Variants in PDE1A observed in about 807,000 individuals in gnomAD.
PDE1A encodes the protein phosphodiesterase 1A, also known as dual specificity calcium/calmodulin-dependent 3',5'-cyclic nucleotide phosphodiesterase 1A.
A neutral mutation model predicts 61.7 loss-of-function variants in PDE1A; 35 were observed. That is an observed-to-expected ratio of 0.57 (90% CI 0.43 to 0.75). The LOEUF is 0.75. Among genes scored for constraint, PDE1A ranks in the 30% least tolerant of loss-of-function variants. The pLI is 0.00. For synonymous variants in PDE1A, 232 were observed against 213.2 expected (o/e 1.09, Z -0.77); for missense variants, 597 against 630.6 (o/e 0.95, Z 0.57).
At chr2:182,505,077 G>A (rs1395421755) in intron 2 of PDE1A, among the ~76,000 whole-genome samples, 1 of 152,146 alleles carries the variant, frequency 6.6e-6, no homozygotes, top group Non-Finnish European at 1.5e-5. Flanking sequence ...GGAAACTTCA[G>A]CAGGCAATTT....
At chr2:182,467,373 G>A (rs1686744038) in intron 2 of PDE1A, among the ~76,000 whole-genome samples, 2 of 151,858 alleles carry the variant, frequency 1.3e-5, no homozygotes, top group South Asian at 4.1e-4. Flanking sequence ...TAAAAATTGA[G>A]TAGTTTTATA....
At chr2:182,230,667 G>A (rs2125642094) in intron 5 of PDE1A, among the ~76,000 whole-genome samples, 1 of 152,218 alleles carries the variant, frequency 6.6e-6, no homozygotes, top group Admixed American at 6.5e-5. Flanking sequence ...TTTAAGAAAA[G>A]CTGGCAATAA....
chr2:182,390,356 A>G (rs1461000634), intron 1 of PDE1A, among the ~76,000 whole-genome samples: 2 of 152,182 alleles, frequency 1.3e-5, no homozygotes, highest in Non-Finnish European at 2.9e-5. Flanking sequence ...CTGTTTAGAG[A>G]GTTATACAAA....
chr2:182,585,944 GA>G, the PDE1A span, among the ~76,000 whole-genome samples: 5 of 151,918 alleles, frequency 3.3e-5, no homozygotes, highest in Non-Finnish European at 5.9e-5. Flanking sequence ...TATACATGTA[GA>G]AAAAAATGGT....
intron 2 of PDE1A, among the ~76,000 whole-genome samples, chr2:182,462,153 T>C (rs2125769066): frequency 6.7e-6 from 1 of 150,200 alleles, no homozygotes; most frequent in East Asian, 2.0e-4. Flanking sequence ...CGGGGCCTGT[T>C]GTGGGGTGGG....
chr2:182,223,863 C>A lies in PDE1A; in HGVS notation c.776+1G>T, dbSNP rs1299793530. 2.6e-6 allele frequency: 4 copies of A among 1,545,726 alleles called. No homozygotes were observed. The highest frequency in any genetic ancestry group is 3.5e-6 in the Non-Finnish European group (4 of 1,136,636). On this transcript the variant is annotated splice_donor_variant, in intron 7 of 13. Coordinates refer to ENST00000351439, the Ensembl canonical transcript of PDE1A. LOFTEE classifies it high-confidence loss of function. ...GAAAGTTAATACTTTTTCAGACTTACCTTGTCTGAATGTGAAAGTTGTTTG... is the reference window on the plus strand; with the variant it reads ...GAAAGTTAATACTTTTTCAGACTTAACTTGTCTGAATGTGAAAGTTGTTTG...
chr2:182,393,180 G>T (rs1370347618), intron 1 of PDE1A, among the ~76,000 whole-genome samples: 2 of 152,204 alleles, frequency 1.3e-5, no homozygotes, highest in Non-Finnish European at 2.9e-5. Flanking sequence ...TGAAATCTAG[G>T]CAGAGGTTCC....
exon 14 of PDE1A, chr2:182,168,092 T>C: frequency 7.4e-7 from 1 of 1,351,450 alleles, no homozygotes; most frequent in Non-Finnish European, 9.5e-7. Context: ...ACAGCTGTTA[T>C]TTATGTGGCT....
chr2:182,664,479 A>T, the PDE1A span, among the ~76,000 whole-genome samples: 2 of 152,202 alleles, frequency 1.3e-5, no homozygotes, highest in Non-Finnish European at 2.9e-5. Context: ...GCAGAAGGAT[A>T]ACTAAAGTAC....
the PDE1A span, among the ~76,000 whole-genome samples, chr2:182,554,664 A>G: frequency 1.3e-5 from 2 of 152,162 alleles, no homozygotes; most frequent in Non-Finnish European, 2.9e-5. Context: ...TAACTCATAG[A>G]GTTATACGAA....
chr2:182,527,324 A>T (rs1690789470), upstream of PDE1A, among the ~76,000 whole-genome samples: 1 of 37,170 alleles, frequency 2.7e-5, no homozygotes, highest in African/African-American at 1.1e-4. Context: ...AAAAAAAAAA[A>T]AAAATATATA....
chr2:182,326,447 T>C (rs865578), intron 1 of PDE1A, among the ~76,000 whole-genome samples: 41,412 of 152,104 alleles, frequency 0.27, 5,771 homozygotes, highest in Middle Eastern at 0.37. Context: ...TATTATGCTA[T>C]GTAAAATAAG....
intron 2 of PDE1A, among the ~76,000 whole-genome samples, chr2:182,465,504 A>AT (rs957506379): frequency 2.6e-5 from 4 of 152,058 alleles, no homozygotes; most frequent in African/African-American, 9.7e-5. Flanking sequence ...GGAATTAAAA[A>AT]TTTTTTTAAG....
chr2:182,589,500 G>A, the PDE1A span, among the ~76,000 whole-genome samples: 2 of 152,022 alleles, frequency 1.3e-5, no homozygotes, highest in African/African-American at 2.4e-5. Context: ...GAAAAAGCAG[G>A]GGTATTCTGT....
At chr2:182,204,227 A>C (rs1470085759) in intron 8 of PDE1A, among the ~76,000 whole-genome samples, 1 of 152,238 alleles carries the variant, frequency 6.6e-6, no homozygotes, top group Non-Finnish European at 1.5e-5. Context: ...AATCTCTCTT[A>C]GGCTTTAGGA....
At chr2:182,481,493 C>T (rs1241024330) in intron 2 of PDE1A, among the ~76,000 whole-genome samples, 1 of 151,816 alleles carries the variant, frequency 6.6e-6, no homozygotes, top group Non-Finnish European at 1.5e-5. Context: ...ATATTTCATT[C>T]TAACTACAGA....
chr2:182,283,696 C>T (rs1693973150), intron 1 of PDE1A, among the ~76,000 whole-genome samples: 1 of 151,896 alleles, frequency 6.6e-6, no homozygotes, highest in African/African-American at 2.4e-5. Flanking sequence ...ATGAATCATG[C>T]TTAGGAACTG....
At chr2:182,191,787 G>A (rs1444908182) in intron 10 of PDE1A, among the ~76,000 whole-genome samples, 1 of 150,256 alleles carries the variant, frequency 6.7e-6, no homozygotes, top group Non-Finnish European at 1.5e-5. Flanking sequence ...TGTGGTACAA[G>A]CTCTTTGGCC....
chr2:182,699,393 C>T, the PDE1A span, among the ~76,000 whole-genome samples: 16 of 152,150 alleles, frequency 1.1e-4, no homozygotes, highest in South Asian at 2.1e-4. Flanking sequence ...TTTTTGGTTT[C>T]GGAAAATTGA....
Sources: allele counts gnomAD v4.1 joint callset (sites outside exome capture counted in the v4.1 genomes callset), GRCh38; gene constraint gnomAD v4.1.1; transcripts MANE v1.5; gene names NCBI Gene and HGNC (gene_info 2026-07-23, HGNC 2026-07-21).